CPNE4: variants seen among roughly 807,000 people sequenced by gnomAD.
The protein encoded by CPNE4 is copine 4, also known as copine-4.
In CPNE4, 25 loss-of-function variants were observed where a neutral mutation model predicts 67.9. That is an observed-to-expected ratio of 0.37 (90% CI 0.27 to 0.51). The LOEUF (loss-of-function observed/expected upper bound fraction) is 0.51. Ranked by LOEUF, CPNE4 falls within the 20% of genes least tolerant of loss-of-function variation. The probability of loss-of-function intolerance (pLI) is 0.93; values close to 1 mark genes in which losing one functional copy is unlikely to be tolerated. For missense variants in CPNE4, 464 were observed against 690.8 expected, an observed-to-expected ratio of 0.67 and a Z score of 3.68; for synonymous variants, 242 against 244.9, an observed-to-expected ratio of 0.99 and a Z score of 0.11.
At chr3:131,814,067 A>G (rs2084638460) in intron 2 of CPNE4, among the ~76,000 whole-genome samples, 1 of 152,178 alleles carries the variant, frequency 6.6e-6, no homozygotes, top group Non-Finnish European at 1.5e-5. Context: ...ATTCAGAACT[A>G]TATTATAACA....
intron 1 of CPNE4, among the ~76,000 whole-genome samples, chr3:131,991,740 C>G (rs887088382): frequency 1.5e-5 from 2 of 135,088 alleles, no homozygotes; most frequent in African/African-American, 4.9e-5. Flanking sequence ...TCATGGCAAC[C>G]CCTCCCATCA....
At chr3:131,844,512 C>T (rs1266481814) in intron 2 of CPNE4, among the ~76,000 whole-genome samples, 2 of 152,146 alleles carry the variant, frequency 1.3e-5, no homozygotes, top group Non-Finnish European at 2.9e-5. Flanking sequence ...AGATGATCTG[C>T]CTGCCTCGGC....
At chr3:131,690,151 A>G (rs1015048868) in intron 5 of CPNE4, among the ~76,000 whole-genome samples, 1 of 152,184 alleles carries the variant, frequency 6.6e-6, no homozygotes, top group Non-Finnish European at 1.5e-5. Context: ...ACTTACATCA[A>G]ACTATAAACA....
chr3:131,717,876 T>TC (rs1222585311), intron 3 of CPNE4, among the ~76,000 whole-genome samples: 450 of 24,350 alleles, frequency 0.018, 29 homozygotes, highest in Middle Eastern at 0.053. Flanking sequence ...TTTCTTTCTT[T>TC]TCTTTCTTTC....
At chr3:131,590,172 A>G (rs533107605) in intron 7 of CPNE4, among the ~76,000 whole-genome samples, 1 of 152,236 alleles carries the variant, frequency 6.6e-6, no homozygotes, top group East Asian at 1.9e-4. Context: ...CCATAACATC[A>G]TTATGCTGAT....
At chr3:131,591,456 C>A (rs1938526480) in intron 7 of CPNE4, among the ~76,000 whole-genome samples, 1 of 152,152 alleles carries the variant, frequency 6.6e-6, no homozygotes. Flanking sequence ...GATTTTCCAT[C>A]ATGCTTTGGT....
chr3:131,896,701 A>G (rs4488877), intron 2 of CPNE4, among the ~76,000 whole-genome samples: 43,754 of 151,864 alleles, frequency 0.29, 7,373 homozygotes, highest in Non-Finnish European at 0.37. Flanking sequence ...TCATTGCTCC[A>G]CTATCTTCTC....
chr3:131,548,216 A>G (rs922529237), intron 14 of CPNE4, among the ~76,000 whole-genome samples: 2 of 152,180 alleles, frequency 1.3e-5, no homozygotes, highest in African/African-American at 4.8e-5. Context: ...CACCAGTTTT[A>G]CAAAAGAAAA....
At chr3:131,776,325 C>T (rs929976597) in intron 2 of CPNE4, among the ~76,000 whole-genome samples, 3 of 140,490 alleles carry the variant, frequency 2.1e-5, no homozygotes, top group South Asian at 2.3e-4. Context: ...TTTCAAGAAA[C>T]AGAGTTTCAC....
intron 2 of CPNE4, among the ~76,000 whole-genome samples, chr3:131,741,732 G>A (rs1184113849): frequency 1.3e-5 from 2 of 152,114 alleles, no homozygotes; most frequent in African/African-American, 4.8e-5. Context: ...TGCCAAAACA[G>A]TTGAGGCTCT....
At chr3:131,721,398 CT>C (rs35719411) in intron 3 of CPNE4, among the ~76,000 whole-genome samples, 11 of 128,344 alleles carry the variant, frequency 8.6e-5, no homozygotes, top group South Asian at 2.4e-4. Flanking sequence ...ACGGATCTAC[CT>C]TTTTTTTTTT....
chr3:131,834,719 G>T (rs908480605), intron 2 of CPNE4, among the ~76,000 whole-genome samples: 1 of 151,918 alleles, frequency 6.6e-6, no homozygotes, highest in Non-Finnish European at 1.5e-5. Flanking sequence ...GTAAAAAGAA[G>T]AAATCACAGT....
intron 12 of CPNE4, 64 bp downstream of exon 12, chr3:131,555,433 A>G: frequency 2.7e-6 from 4 of 1,462,620 alleles, no homozygotes; most frequent in Non-Finnish European, 3.8e-6. Flanking sequence ...ACTGCTGCAA[A>G]GAAGAGCCAA....
At chr3:131,711,520 C>T (rs569960423) in intron 3 of CPNE4, among the ~76,000 whole-genome samples, 5 of 152,220 alleles carry the variant, frequency 3.3e-5, no homozygotes, top group South Asian at 2.1e-4. Context: ...GAGGGAAGCA[C>T]GAGTAATCAG....
intron 2 of CPNE4, among the ~76,000 whole-genome samples, chr3:131,777,832 G>A (rs1219137981): frequency 6.6e-6 from 1 of 152,070 alleles, no homozygotes; most frequent in Non-Finnish European, 1.5e-5. Flanking sequence ...TGGCTGAAAG[G>A]AACCACATGG....
rs141001719 is a variant in CPNE4 at position 131,877,942 on chromosome 3, T to G, written c.180+27322A>C. On this transcript the variant is annotated intron_variant, in intron 2 of 15. Coordinates refer to ENST00000429747, the MANE Select transcript of CPNE4 (RefSeq NM_130808.3). ...AAAATCCCATTGAGACACTACTACATATTCACCAGGATGGCTAAGATGAAA... is the reference window on the plus strand; with the variant it reads ...AAAATCCCATTGAGACACTACTACAGATTCACCAGGATGGCTAAGATGAAA... Among the ~76,000 whole-genome samples, 427 of 152,330 alleles carry G rather than the reference T, an allele frequency of 2.8e-3. 1 individual carries two copies. The highest frequency in any genetic ancestry group is 9.5e-3 in the African/African-American group (397 of 41,582).
chr3:132,021,697 C>T lies in CPNE4; in HGVS notation c.-2+12870G>A, dbSNP rs2073999831. Among the ~76,000 whole-genome samples, 3 of 152,040 alleles carry T rather than the reference C, an allele frequency of 2.0e-5. No individual in the cohort carries two copies. In the South Asian group the frequency reaches 6.2e-4, roughly 32 times the overall value. ...CTACTGGATCTCATTTGACAATGAC[C>T]TTTTTTGGGCTGCAGACTTCAAGTT... On this transcript the variant is annotated intron_variant, in intron 1 of 15. Coordinates refer to ENST00000429747, the MANE Select transcript of CPNE4 (RefSeq NM_130808.3).
chr3:131,699,880 A>G (rs926959671), intron 4 of CPNE4, 29 bp downstream of exon 4: 1 of 1,597,422 alleles, frequency 6.3e-7, no homozygotes. Flanking sequence ...CCACTCAGGC[A>G]GACAGCTGCT....
intron 2 of CPNE4, among the ~76,000 whole-genome samples, chr3:131,840,735 A>G (rs931164586): frequency 1.3e-5 from 2 of 152,080 alleles, no homozygotes; most frequent in East Asian, 1.9e-4. Flanking sequence ...TAATGGCCCA[A>G]TCTTGGTAGA....
Sources: allele counts gnomAD v4.1 joint callset (sites outside exome capture counted in the v4.1 genomes callset), GRCh38; gene constraint gnomAD v4.1.1; transcripts MANE v1.5; gene names NCBI Gene and HGNC (gene_info 2026-07-23, HGNC 2026-07-21).